The following KATNB1 variants were observed in gnomAD, a reference collection of about 807,000 sequenced individuals.
KATNB1 encodes the protein katanin p80 WD40 repeat-containing subunit B1.
In KATNB1, 38 loss-of-function variants were observed where a neutral mutation model predicts 82.3. The ratio of observed to expected loss-of-function variants is 0.46; its 90% CI spans 0.36 to 0.61. The LOEUF (loss-of-function observed/expected upper bound fraction) is 0.61. KATNB1 is among the 20% of genes least tolerant of loss of function. The pLI is 0.00. For missense variants in KATNB1, 749 were observed against 915.7 expected (o/e 0.82, Z 2.35); for synonymous variants, 361 against 368.7 (o/e 0.98, Z 0.24).
At chr16:57,746,539 C>T (rs371065560) in intron 4 of KATNB1, among the ~76,000 whole-genome samples, 6 of 152,316 alleles carry the variant, frequency 3.9e-5, no homozygotes, top group African/African-American at 1.4e-4. Flanking sequence ...AGAGTCTCGC[C>T]CACTGCTCCT....
At chr16:57,749,735 C>T (rs1555582496) in intron 4 of KATNB1, among the ~76,000 whole-genome samples, 1 of 152,208 alleles carries the variant, frequency 6.6e-6, no homozygotes, top group African/African-American at 2.4e-5. Flanking sequence ...GGCTGGGCCG[C>T]TCCTGGCCAT....
intron 4 of KATNB1, among the ~76,000 whole-genome samples, chr16:57,750,065 C>T (rs2049213490): frequency 6.6e-6 from 1 of 152,222 alleles, no homozygotes; most frequent in Admixed American, 6.5e-5. Flanking sequence ...TCAAATACCA[C>T]CTCCTCCATA....
chr16:57,754,986 C>G lies in KATNB1; in HGVS notation c.1285C>G (p.Pro429Ala). ...CAGCCCTGCCATGGATGTGCAGTTCCCGGTGCCAAATGTATGTCCATGGAG... is the reference window on the plus strand; with the variant it reads ...CAGCCCTGCCATGGATGTGCAGTTCGCGGTGCCAAATGTATGTCCATGGAG... ...KPSPAMDVQF[P>A]VPNLEVLPRP... Residue 429 changes from proline to alanine, a missense_variant, in exon 14 of 20, where the codon CCG (proline) becomes GCG (alanine). Physicochemically the swap from Pro to Ala is conservative, Grantham distance 27. Transcript: ENST00000379661. 1 of 1,614,088 alleles carries G rather than the reference C, an allele frequency of 6.2e-7. No homozygotes were observed. Among genetic ancestry groups the G allele is most frequent in the Non-Finnish European group, 8.5e-7 (1 of 1,180,036 alleles).
intron 4 of KATNB1, among the ~76,000 whole-genome samples, chr16:57,748,601 G>A (rs1391275945): frequency 2.6e-5 from 4 of 152,080 alleles, no homozygotes; most frequent in African/African-American, 9.7e-5. Flanking sequence ...TCCTGTGTGG[G>A]GCAGACAGAC....
At position 57,739,411 on chromosome 16, in the gene KATNB1, C is replaced by T. The variant is rs144910035; in HGVS notation, c.40+2128C>T. 5.8e-4 allele frequency among the ~76,000 whole-genome samples: 89 copies of T among 152,354 alleles called. 2 individuals carry two copies. Among genetic ancestry groups the T allele is most frequent in the African/African-American group, 2.0e-3 (82 of 41,582 alleles). On this transcript the variant is annotated intron_variant, in intron 2 of 19. Transcript: ENST00000379661. ...GCATTTGGGATGCTGATCCTCAGCC[C>T]CTCTGGCCACGCCGCACCATGTTCC...
intron 2 of KATNB1, among the ~76,000 whole-genome samples, chr16:57,740,875 C>T (rs1182178875): frequency 1.3e-5 from 2 of 152,212 alleles, no homozygotes; most frequent in East Asian, 3.8e-4. Context: ...CCCCCATGCC[C>T]ACTCTCTCAT....
chr16:57,745,835 T>G (rs2049180665), intron 4 of KATNB1, among the ~76,000 whole-genome samples: 1 of 152,076 alleles, frequency 6.6e-6, no homozygotes, highest in South Asian at 2.1e-4. Context: ...TCCATATTAC[T>G]CATTCATCCC....
At position 57,754,943 on chromosome 16, in the gene KATNB1, A is replaced by G. The variant is rs782323491; in HGVS notation, c.1242A>G (p.Ala414=). 1 of 1,614,076 alleles carries G rather than the reference A, an allele frequency of 6.2e-7. No homozygotes were observed. Among genetic ancestry groups the G allele is most frequent in the South Asian group, 1.1e-5 (1 of 91,082 alleles). The change falls in exon 14 of 20, where the codon GCA becomes GCG. Residue 414 remains alanine (A), a synonymous_variant. Transcript: ENST00000379661. ...TTTTGCCTCCAGACGCAGCCACAGC[A>G]AAGGAGGCAGCAAAGCCCAGCCCTG... The part of the protein sequence containing the change: ...PAPPEDDAAT[A]KEAAKPSPAM...
intron 3 of KATNB1, 110 bp downstream of exon 3, chr16:57,741,927 G>A: frequency 7.6e-7 from 1 of 1,309,358 alleles, no homozygotes; most frequent in African/African-American, 1.5e-5. Flanking sequence ...TGAGCCCAGG[G>A]CCCCCTATCC....
At chr16:57,741,498 T>C (rs533109892) in intron 2 of KATNB1, among the ~76,000 whole-genome samples, 189 bp from the exon 3 acceptor site, 1 of 152,326 alleles carries the variant, frequency 6.6e-6, no homozygotes, top group Non-Finnish European at 1.5e-5. Flanking sequence ...GTGATTTCCG[T>C]CTCAGGCCCA....
chr16:57,736,715 T>C lies in KATNB1; in HGVS notation c.-266-263T>C, dbSNP rs924691472. Reference sequence around the variant, plus strand: ...GTCTTCTCCGCCCCACTGCGGCTGCTGCACTTTAGGCAGCCAGCATCCCGG... The same window carrying C: ...GTCTTCTCCGCCCCACTGCGGCTGCCGCACTTTAGGCAGCCAGCATCCCGG... On this transcript the variant is annotated intron_variant, in intron 1 of 19. Transcript: ENST00000379661. The C allele has an allele frequency of 5.4e-5, 15 of 275,934 alleles. No homozygotes were observed. In the Admixed American group the frequency reaches 6.3e-4, roughly 12 times the overall value. The allele number at this position is 275,934 out of a possible 1,614,324, so 17.1% of individuals were successfully genotyped here. A position where few individuals can be genotyped will look rare whatever the true frequency, so the allele number is the denominator to read the frequency against.
Position 57,752,038 on chromosome 16 carries a change from C to T in KATNB1, c.615C>T (p.Ala205=), listed in dbSNP as rs781986158. Residue 205 remains alanine (A), a synonymous_variant, in exon 8 of 20, where the codon GCC becomes GCT. Transcript: ENST00000379661. ...VEFHPNEYLL[A]SGSSDRTIRF... is the part of the protein sequence containing the mutation. ...TTCACCCCAACGAGTACCTCCTGGC[C>T]TCCGGCAGCTCTGACAGGTGAGGAG... The T allele has an allele frequency of 6.2e-7, 1 of 1,611,736 alleles. No individual in the cohort carries two copies. The highest frequency in any genetic ancestry group is 2.2e-5 in the East Asian group (1 of 44,872).
In KATNB1 at chr16:57,736,971, A is replaced by G; in HGVS notation, c.-266-7A>G. The G allele has an allele frequency of 1.5e-6, 1 of 682,482 alleles. No homozygotes were observed. The highest frequency in any genetic ancestry group is 2.7e-6 in the Non-Finnish European group (1 of 372,310). 42.3% of individuals were successfully genotyped at this position (682,482 alleles called of 1,614,324 possible). On this transcript the variant is annotated splice_region_variant and splice_polypyrimidine_tract_variant and intron_variant, in intron 1 of 19. Coordinates refer to ENST00000379661, the MANE Select transcript of KATNB1 (RefSeq NM_005886.3). ...TAACATGACGTCACCTCTTGTTTGT[A>G]TTGCAGCCCTGTATTGAGCTGAGAT...
chr16:57,755,945 G>C, intron 17 of KATNB1, 28 bp downstream of exon 17: 23 of 1,607,900 alleles, frequency 1.4e-5, no homozygotes, highest in Non-Finnish European at 2.0e-5. Context: ...GGGAGTGGGC[G>C]GAGGGGCAGG....
intron 19 of KATNB1, 85 bp from the exon 20 acceptor site, chr16:57,756,729 G>C (rs2049291419): frequency 6.9e-7 from 1 of 1,455,154 alleles, no homozygotes; most frequent in Admixed American, 2.7e-5. Context: ...GGAAGGGCTG[G>C]AGCAGTTAGG....
intron 2 of KATNB1, among the ~76,000 whole-genome samples, chr16:57,740,497 G>A (rs1336557277): frequency 2.6e-5 from 4 of 152,260 alleles, no homozygotes; most frequent in African/African-American, 4.8e-5. Flanking sequence ...GTGGAGCGCC[G>A]TGGCTCCAAC....
intron 1 of KATNB1, 186 bp from the exon 2 acceptor site, chr16:57,736,792 T>G (rs1182763912): frequency 5.7e-6 from 2 of 350,832 alleles, no homozygotes; most frequent in Non-Finnish European, 1.1e-5. Context: ...TCTTTTTCCT[T>G]ACGTTCCAAA....
At chr16:57,754,482 G>A (rs2049259065) in intron 13 of KATNB1, among the ~76,000 whole-genome samples, 1 of 152,198 alleles carries the variant, frequency 6.6e-6, no homozygotes, top group Non-Finnish European at 1.5e-5. Context: ...TCAGCTGGGG[G>A]TTTGGATTAA....
intron 2 of KATNB1, among the ~76,000 whole-genome samples, chr16:57,737,940 G>C (rs191939695): frequency 2.0e-5 from 3 of 152,336 alleles, no homozygotes. Flanking sequence ...TTTCAAACAA[G>C]AGTATATAAT....
Sources: gnomAD v4.1 joint callset for allele counts (sites outside exome capture counted in the v4.1 genomes callset) on GRCh38, gnomAD v4.1.1 for gene constraint, MANE v1.5 for transcripts, NCBI Gene and HGNC (gene_info 2026-07-23, HGNC 2026-07-21) for gene names.